Variants in FHIP1A observed in about 807,000 individuals in gnomAD.
FHIP1A encodes the protein FHF complex subunit HOOK interacting protein 1A.
Under a neutral mutation model 88.6 loss-of-function variants are expected in FHIP1A, and 61 were observed. That is an observed-to-expected ratio of 0.69 (90% CI 0.56 to 0.85). The LOEUF (loss-of-function observed/expected upper bound fraction) is 0.85. FHIP1A is among the 40% of genes least tolerant of loss of function. The pLI, the probability that FHIP1A is intolerant of heterozygous loss-of-function variation, is 0.00. For synonymous variants in FHIP1A, 478 were observed against 496.0 expected (o/e 0.96, Z 0.48); for missense variants, 1,154 against 1,273.5 (o/e 0.91, Z 1.43).
chr4:151,653,759 T>C (rs1389377404), intron 11 of FHIP1A, among the ~76,000 whole-genome samples: 1 of 152,108 alleles, frequency 6.6e-6, no homozygotes, highest in Admixed American at 6.5e-5. Context: ...GGGTAGAATT[T>C]GCCGAGGGAG....
intron 1 of FHIP1A, among the ~76,000 whole-genome samples, chr4:151,443,004 G>A (rs1417468667): frequency 6.6e-6 from 1 of 152,096 alleles, no homozygotes; most frequent in Non-Finnish European, 1.5e-5. Context: ...CATGGCTATA[G>A]CGCTGGCACT....
At chr4:151,481,228 T>C (rs966806086) in intron 2 of FHIP1A, among the ~76,000 whole-genome samples, 10 of 152,046 alleles carry the variant, frequency 6.6e-5, no homozygotes, top group Non-Finnish European at 1.5e-5. Flanking sequence ...CTGCTTTTTC[T>C]TTCCACTTTG....
rs751833203 is a variant in FHIP1A, at chr4:151,649,595, C to T, written c.1554C>T (p.Cys518=). The change falls in exon 11 of 14, where the codon TGC becomes TGT. Residue 518 remains cysteine (C), a synonymous_variant. Coordinates refer to ENST00000435205, the MANE Select transcript of FHIP1A (RefSeq NM_001109977.3). The stretch of plus-strand genomic sequence containing the variant: ...ACATCCTCCGCTGCATGAGGGACTG[C>T]CGTGTCTGGTCCGCCCTGTATGATG... ...HTNILRCMRD[C]RVWSALYDGD... is the part of the protein sequence containing the mutation. 2.4e-5 allele frequency: 38 copies of T among 1,551,614 alleles called. No individual in the cohort carries two copies. In the South Asian group the frequency reaches 4.4e-4, roughly 18 times the overall value.
intron 3 of FHIP1A, among the ~76,000 whole-genome samples, chr4:151,516,385 G>C (rs1034833086): frequency 1.8e-4 from 28 of 151,876 alleles, no homozygotes; most frequent in African/African-American, 6.3e-4. Context: ...CAGGACATAG[G>C]CATGGGCAAG....
At chr4:151,562,326 G>A (rs954330619) in intron 3 of FHIP1A, among the ~76,000 whole-genome samples, 1 of 152,180 alleles carries the variant, frequency 6.6e-6, no homozygotes, top group African/African-American at 2.4e-5. Context: ...CAAGTATAAG[G>A]TAGTGGTTTT....
chr4:151,426,529 A>G (rs1733381501), intron 1 of FHIP1A, among the ~76,000 whole-genome samples: 1 of 152,166 alleles, frequency 6.6e-6, no homozygotes, highest in South Asian at 2.1e-4. Flanking sequence ...AAATAGGATA[A>G]TCAATTTTTC....
chr4:151,552,006 G>T (rs1186405987), intron 3 of FHIP1A, among the ~76,000 whole-genome samples: 1 of 152,070 alleles, frequency 6.6e-6, no homozygotes, highest in African/African-American at 2.4e-5. Flanking sequence ...CCCATCAAAA[G>T]GTGGGAGAAG....
chr4:151,541,548 C>T (rs1038473869), intron 3 of FHIP1A, among the ~76,000 whole-genome samples: 3 of 152,242 alleles, frequency 2.0e-5, no homozygotes, highest in Middle Eastern at 3.4e-3. Context: ...ATGAGTGTGA[C>T]GTTTAAGTTG....
intron 4 of FHIP1A, among the ~76,000 whole-genome samples, chr4:151,573,207 CT>C (rs1733658879): frequency 6.6e-6 from 1 of 151,856 alleles, no homozygotes; most frequent in African/African-American, 2.4e-5. Flanking sequence ...GTGTTTCTTT[CT>C]TTTTGGAATT....
chr4:151,478,416 G>T (rs1458866574), intron 2 of FHIP1A, among the ~76,000 whole-genome samples: 3 of 152,110 alleles, frequency 2.0e-5, no homozygotes, highest in Non-Finnish European at 4.4e-5. Flanking sequence ...GCTAGTGGTG[G>T]TGGTGATTTT....
At chr4:151,519,654 T>G (rs987059542) in intron 3 of FHIP1A, among the ~76,000 whole-genome samples, 1 of 152,190 alleles carries the variant, frequency 6.6e-6, no homozygotes, top group Non-Finnish European at 1.5e-5. Flanking sequence ...TATATCTGTT[T>G]CTTTTGGGTA....
At chr4:151,588,978 A>G in intron 7 of FHIP1A, 52 bp downstream of exon 7, 3 of 1,175,966 alleles carry the variant, frequency 2.6e-6, no homozygotes, top group African/African-American at 3.0e-5. Flanking sequence ...AGTGATGGAC[A>G]CTGAGGAGGG....
Position 151,650,102 on chromosome 4 carries a change from C to G in FHIP1A, c.2061C>G (p.Thr687=), listed in dbSNP as rs1351937339. 2 of 1,551,640 alleles carry G rather than the reference C, an allele frequency of 1.3e-6. No individual in the cohort carries two copies. The highest frequency in any genetic ancestry group is 1.7e-6 in the Non-Finnish European group (2 of 1,146,988). Residue 687 remains threonine (T), a synonymous_variant, in exon 11 of 14, where the codon ACC becomes ACG. Coordinates refer to ENST00000435205, the MANE Select transcript of FHIP1A (RefSeq NM_001109977.3). ...VPINNGPLLS[T]QPETDSEEEW... is the part of the protein sequence containing the mutation. ...TCAACAACGGCCCCCTCCTCAGCACCCAGCCAGAGACAGATTCAGAGGAGG... is the reference window on the plus strand; with the variant it reads ...TCAACAACGGCCCCCTCCTCAGCACGCAGCCAGAGACAGATTCAGAGGAGG...
At chr4:151,553,021 C>G (rs1429490915) in intron 3 of FHIP1A, among the ~76,000 whole-genome samples, 4 of 152,066 alleles carry the variant, frequency 2.6e-5, no homozygotes, top group Non-Finnish European at 5.9e-5. Flanking sequence ...TAATTCCAAA[C>G]CTGGCTAAGC....
intron 3 of FHIP1A, among the ~76,000 whole-genome samples, chr4:151,496,649 A>G (rs1730471582): frequency 6.7e-6 from 1 of 149,758 alleles, no homozygotes; most frequent in Admixed American, 6.6e-5. Flanking sequence ...CCCCGGCTCA[A>G]GTGATTGATT....
At chr4:151,593,467 G>C (rs771872563) in intron 7 of FHIP1A, among the ~76,000 whole-genome samples, 1 of 152,136 alleles carries the variant, frequency 6.6e-6, no homozygotes, top group African/African-American at 2.4e-5. Flanking sequence ...TCTCCTTGAA[G>C]AGGTCCTTCA....
chr4:151,604,599 A>G (rs557228660), intron 7 of FHIP1A, among the ~76,000 whole-genome samples: 74 of 152,312 alleles, frequency 4.9e-4, no homozygotes, highest in African/African-American at 1.5e-3. Context: ...CTGTAATCCC[A>G]GCACTTCGGG....
chr4:151,532,851 G>A (rs947595995), intron 3 of FHIP1A, among the ~76,000 whole-genome samples: 10 of 152,080 alleles, frequency 6.6e-5, no homozygotes, highest in Admixed American at 1.3e-4. Context: ...AAGCAAAAGC[G>A]GAAACCCCTG....
intron 9 of FHIP1A, among the ~76,000 whole-genome samples, chr4:151,641,484 A>C (rs937389356): frequency 3.9e-5 from 6 of 152,270 alleles, no homozygotes; most frequent in Admixed American, 3.3e-4. Context: ...GACAGCTTTG[A>C]ATGGGGCCCA....
Sources: gnomAD v4.1 joint callset for allele counts (sites outside exome capture counted in the v4.1 genomes callset) on GRCh38, gnomAD v4.1.1 for gene constraint, MANE v1.5 for transcripts, NCBI Gene and HGNC (gene_info 2026-07-23, HGNC 2026-07-21) for gene names.